The following MCUR1 variants were observed in gnomAD, a reference collection of about 807,000 sequenced individuals.
MCUR1 encodes mitochondrial calcium uniporter regulator 1.
Under a neutral mutation model 42.0 loss-of-function variants are expected in MCUR1, and 37 were observed. The ratio of observed to expected loss-of-function variants is 0.88; its 90% CI spans 0.68 to 1.16. The LOEUF (loss-of-function observed/expected upper bound fraction) is 1.16, where lower values mean the gene tolerates loss of function less well. Among genes scored for constraint, MCUR1 ranks in the 50% most tolerant of loss-of-function variants. The probability of loss-of-function intolerance (pLI) is 0.00; values close to 1 mark genes in which losing one functional copy is unlikely to be tolerated. For missense variants in MCUR1, 469 were observed against 468.4 expected (o/e 1.00, Z -0.01); for synonymous variants, 229 against 196.2 (o/e 1.17, Z -1.40).
chr6:13,793,924 C>T lies in MCUR1; in HGVS notation c.879G>A (p.Leu293=). The T allele has an allele frequency of 6.2e-7, 1 of 1,613,700 alleles. No individual in the cohort carries two copies. Residue 293 remains leucine (L), a synonymous_variant, in exon 7 of 9, where the codon CTG becomes CTA. Transcript: ENST00000379170. ...KELYSLNEKK[L]LELRTEIVAL... is the part of the protein sequence containing the mutation. ...CCACTATTTCTGTTCTCAATTCCAG[C>T]AGCTTCTTTTCGTTCAATGAATACT...
At position 13,802,241 on chromosome 6, in the gene MCUR1, A is replaced by C. The variant is rs1322206770; in HGVS notation, c.639+2T>G. ...TTTGCTAAACCACCCAACAAGGCTA[A>C]CCTGCTGCATCTTGGTGACCATATC... On this transcript the variant is annotated splice_donor_variant, in intron 3 of 8. Coordinates refer to ENST00000379170, the MANE Select transcript of MCUR1 (RefSeq NM_001031713.4). LOFTEE classifies it high-confidence loss of function. 1 of 1,613,408 alleles carries C rather than the reference A, an allele frequency of 6.2e-7. No homozygotes were observed. Among genetic ancestry groups the C allele is most frequent in the South Asian group, 1.1e-5 (1 of 91,064 alleles).
At chr6:13,794,844 G>T (rs572887291) in intron 6 of MCUR1, among the ~76,000 whole-genome samples, 31 of 152,154 alleles carry the variant, frequency 2.0e-4, no homozygotes, top group African/African-American at 7.5e-4. Flanking sequence ...GTTACTAAAG[G>T]AACTAATTCT....
intron 2 of MCUR1, chr6:13,803,954 A>C: frequency 2.1e-6 from 2 of 932,062 alleles, no homozygotes; most frequent in South Asian, 5.0e-5. Context: ...CAACATAGTG[A>C]TCCCATCTCC....
At chr6:13,803,338 GGC>G (rs1760034969) in intron 2 of MCUR1, among the ~76,000 whole-genome samples, 3 of 152,236 alleles carry the variant, frequency 2.0e-5, no homozygotes, top group Admixed American at 2.0e-4. Context: ...TGGGATTACA[GGC>G]GCAAGCCACC....
Position 13,806,940 on chromosome 6 carries a change from A to G in MCUR1, c.520T>C (p.Leu174=), listed in dbSNP as rs144321128. 1.8e-4 allele frequency: 283 copies of G among 1,608,806 alleles called. No individual in the cohort carries two copies. The Middle Eastern group carries it at 2.0e-3, about 11-fold the overall frequency. Residue 174 remains leucine, a synonymous_variant, in exon 2 of 9, where the codon TTA becomes CTA. Transcript: ENST00000379170. ...AGAGGATTACCATTGTCTTCCAGTA[A>G]GCACACTAAGGCATGAGTGTCGAAG... ...LYFDTHALVC[L]LEDNGFATQQ... is the part of the protein sequence containing the mutation.
At position 13,801,327 on chromosome 6, in the gene MCUR1, C is replaced by T. The variant is rs1759983681; in HGVS notation, c.702G>A (p.Leu234=). The T allele has an allele frequency of 1.2e-6, 2 of 1,613,070 alleles. No homozygotes were observed. Among genetic ancestry groups the T allele is most frequent in the African/African-American group, 1.3e-5 (1 of 75,024 alleles). Residue 234 remains leucine (L), a synonymous_variant, in exon 4 of 9, where the codon TTG becomes TTA. Transcript: ENST00000379170. ...TGAGGGCTGAAAATTCACTCTTCTCCAAAATAATCATATCCTTTTTCACAT... is the reference window on the plus strand; with the variant it reads ...TGAGGGCTGAAAATTCACTCTTCTCTAAAATAATCATATCCTTTTTCACAT... ...IANVKKDMII[L]EKSEFSALRA... is the part of the protein sequence containing the mutation.
At chr6:13,811,496 T>C (rs1251589323) in intron 1 of MCUR1, among the ~76,000 whole-genome samples, 1 of 152,162 alleles carries the variant, frequency 6.6e-6, no homozygotes, top group Non-Finnish European at 1.5e-5. Flanking sequence ...TTTAGTTTAT[T>C]TCCAGTCCTG....
Position 13,814,109 on chromosome 6 carries a change from G to A in MCUR1, c.321C>T (p.Ser107=), listed in dbSNP as rs1490353399. 15 of 1,255,210 alleles carry A rather than the reference G, an allele frequency of 1.2e-5. No homozygotes were observed. In the South Asian group the frequency reaches 1.7e-4, roughly 14 times the overall value. 77.8% of individuals were successfully genotyped at this position (1,255,210 alleles called of 1,614,324 possible). A position where few individuals can be genotyped will look rare whatever the true frequency, so the allele number is the denominator to read the frequency against. Residue 107 remains serine (S), a synonymous_variant, in exon 1 of 9, where the codon AGC becomes AGT. Coordinates refer to ENST00000379170, the MANE Select transcript of MCUR1 (RefSeq NM_001031713.4). ...LGYAAPPAGR[S]SAWRCSPGVA... is the part of the protein sequence containing the mutation. ...CGCCCGGTGAGCACCTCCACGCGCTGCTGCGCCCGGCCGGGGGTGCGGCAT... is the reference window on the plus strand; with the variant it reads ...CGCCCGGTGAGCACCTCCACGCGCTACTGCGCCCGGCCGGGGGTGCGGCAT...
chr6:13,805,198 C>A (rs1235803526), intron 2 of MCUR1, among the ~76,000 whole-genome samples: 1 of 151,346 alleles, frequency 6.6e-6, no homozygotes, highest in African/African-American at 2.4e-5. Context: ...CACTATGTTG[C>A]ACAGACTGGT....
At chr6:13,813,932 T>A (rs1459285925) in intron 1 of MCUR1, 83 bp downstream of exon 1, 7 of 1,209,806 alleles carry the variant, frequency 5.8e-6, no homozygotes, top group African/African-American at 1.6e-5. Context: ...GGGCCTTTCC[T>A]CGGGGAGGCT....
Position 13,786,805 on chromosome 6 carries a change from C to T in MCUR1, c.*4004G>A, listed in dbSNP as rs1453497532. On this transcript the variant is annotated 3_prime_UTR_variant, in exon 9 of 9. Transcript: ENST00000379170. ...ACATAATTGATATTTGCTTAAGTAA[C>T]AAAAAAGTTAAGAAATTGGGTTATA... 1 of 151,802 alleles carries T rather than the reference C, an allele frequency of 6.6e-6. No homozygotes were observed. The highest frequency in any genetic ancestry group is 1.5e-5 in the Non-Finnish European group (1 of 67,946). 9.4% of individuals were successfully genotyped at this position (151,802 alleles called of 1,614,324 possible). A position where few individuals can be genotyped will look rare whatever the true frequency, so the allele number is the denominator to read the frequency against.
intron 5 of MCUR1, 115 bp downstream of exon 5, chr6:13,800,226 T>C (rs1759960557): frequency 4.2e-6 from 3 of 711,724 alleles, no homozygotes; most frequent in Non-Finnish European, 7.0e-6. Flanking sequence ...TGAGGCATAT[T>C]ACACAAACAT....
rs912807361 is a variant in MCUR1, at chr6:13,788,930, G to T, written c.*1879C>A. The T allele has an allele frequency of 6.6e-6, 1 of 152,156 alleles. No homozygotes were observed. Among genetic ancestry groups the T allele is most frequent in the Admixed American group, 6.5e-5 (1 of 15,268 alleles). 9.4% of individuals were successfully genotyped at this position (152,156 alleles called of 1,614,324 possible). ...CAAAGTTTAGACATGACATCCAAAG[G>T]ACAAAAGGTAACTATTTTTTTTACC... On this transcript the variant is annotated 3_prime_UTR_variant, in exon 9 of 9. Transcript: ENST00000379170.
chr6:13,803,704 GA>G (rs1160940108), intron 2 of MCUR1: 12 of 956,332 alleles, frequency 1.3e-5, no homozygotes, highest in East Asian at 1.2e-4. Flanking sequence ...CACATGTCTA[GA>G]AAAAAAATAC....
intron 6 of MCUR1, among the ~76,000 whole-genome samples, chr6:13,795,816 T>C (rs1257150176): frequency 1.3e-5 from 2 of 151,964 alleles, no homozygotes; most frequent in Non-Finnish European, 2.9e-5. Context: ...GCACCAAAAA[T>C]CTCAGAAATC....
In MCUR1 at chr6:13,790,694, C is replaced by A. The variant is rs1759710515; in HGVS notation, c.*115G>T. ...TCTCGAACTCCTGACCTCAGGTAAT[C>A]CACCTGCCTCAGCCTCCCAAAGTGC... On this transcript the variant is annotated 3_prime_UTR_variant, in exon 9 of 9. Coordinates refer to ENST00000379170, the MANE Select transcript of MCUR1 (RefSeq NM_001031713.4). The A allele has an allele frequency of 3.0e-6, 2 of 671,040 alleles. No individual in the cohort carries two copies. The highest frequency in any genetic ancestry group is 5.1e-6 in the Non-Finnish European group (2 of 391,684). 41.6% of individuals were successfully genotyped at this position (671,040 alleles called of 1,614,324 possible). A position where few individuals can be genotyped will look rare whatever the true frequency, so the allele number is the denominator to read the frequency against.
intron 6 of MCUR1, among the ~76,000 whole-genome samples, chr6:13,796,912 G>C (rs1160829338): frequency 6.6e-6 from 1 of 152,112 alleles, no homozygotes; most frequent in Non-Finnish European, 1.5e-5. Flanking sequence ...AACCCATAAA[G>C]ATAAAGGTAA....
At chr6:13,795,405 T>C (rs1463198294) in intron 6 of MCUR1, among the ~76,000 whole-genome samples, 1 of 152,232 alleles carries the variant, frequency 6.6e-6, no homozygotes, top group Non-Finnish European at 1.5e-5. Flanking sequence ...AACATCTATG[T>C]AGCTCTATAT....
chr6:13,799,900 C>T (rs1012553554), intron 5 of MCUR1, among the ~76,000 whole-genome samples: 4 of 144,848 alleles, frequency 2.8e-5, no homozygotes, highest in South Asian at 2.2e-4. Flanking sequence ...GGCGCAATCT[C>T]GGCTCACTGC....
Sources: gnomAD v4.1 joint callset for allele counts (sites outside exome capture counted in the v4.1 genomes callset) on GRCh38, gnomAD v4.1.1 for gene constraint, MANE v1.5 for transcripts, NCBI Gene and HGNC (gene_info 2026-07-23, HGNC 2026-07-21) for gene names.